The following SH3GL2 variants were observed in gnomAD, a reference collection of about 807,000 sequenced individuals.
SH3GL2 encodes the protein SH3 domain containing GRB2 like 2, endophilin A1, also known as endophilin-A1.
A neutral mutation model predicts 46.0 loss-of-function variants in SH3GL2; 24 were observed. That is an observed-to-expected ratio of 0.52 (90% CI 0.38 to 0.73). SH3GL2 has a LOEUF of 0.73. Ranked by LOEUF, SH3GL2 falls within the 30% of genes least tolerant of loss-of-function variation. The probability of loss-of-function intolerance (pLI) is 0.00; values close to 1 mark genes in which losing one functional copy is unlikely to be tolerated. For missense variants in SH3GL2, 413 were observed against 424.2 expected, an observed-to-expected ratio of 0.97 and a Z score of 0.23; for synonymous variants, 196 against 147.1, an observed-to-expected ratio of 1.33 and a Z score of -2.40.
chr9:17,691,147 C>G (rs1225447133), intron 1 of SH3GL2, among the ~76,000 whole-genome samples: 1 of 152,032 alleles, frequency 6.6e-6, no homozygotes, highest in Non-Finnish European at 1.5e-5. Flanking sequence ...GATTTTCTGC[C>G]ATTTAGTTTT....
chr9:17,593,984 C>G (rs1404700643), intron 1 of SH3GL2, among the ~76,000 whole-genome samples: 1 of 152,146 alleles, frequency 6.6e-6, no homozygotes, highest in Non-Finnish European at 1.5e-5. Context: ...GTAATATGGT[C>G]CTGGGCATGA....
At chr9:17,685,490 C>A (rs1291395627) in intron 1 of SH3GL2, among the ~76,000 whole-genome samples, 1 of 151,976 alleles carries the variant, frequency 6.6e-6, no homozygotes, top group Non-Finnish European at 1.5e-5. Flanking sequence ...TATTGCCTAG[C>A]CAGGTTGACA....
At chr9:17,648,808 A>G (rs1430730542) in intron 1 of SH3GL2, among the ~76,000 whole-genome samples, 1 of 152,210 alleles carries the variant, frequency 6.6e-6, no homozygotes, top group Non-Finnish European at 1.5e-5. Context: ...TCAGGTTGAA[A>G]ATGATGAAAA....
chr9:17,712,739 A>C (rs572192935), intron 1 of SH3GL2, among the ~76,000 whole-genome samples: 1 of 151,734 alleles, frequency 6.6e-6, no homozygotes, highest in African/African-American at 2.4e-5. Flanking sequence ...CATTCATCTA[A>C]GTTGTTTTGT....
intron 1 of SH3GL2, among the ~76,000 whole-genome samples, chr9:17,686,065 G>C (rs1382545608): frequency 1.6e-4 from 22 of 140,158 alleles, no homozygotes; most frequent in East Asian, 2.0e-4. Flanking sequence ...CTAATATCCA[G>C]AATCTACAAT....
At chr9:17,600,804 G>A (rs1190918505) in intron 1 of SH3GL2, among the ~76,000 whole-genome samples, 3 of 152,194 alleles carry the variant, frequency 2.0e-5, no homozygotes, top group East Asian at 3.9e-4. Flanking sequence ...TTTACTCATT[G>A]TCTGAGGTGA....
intron 1 of SH3GL2, among the ~76,000 whole-genome samples, chr9:17,643,569 T>C (rs544284307): frequency 7.9e-5 from 12 of 151,898 alleles, no homozygotes; most frequent in African/African-American, 2.9e-4. Flanking sequence ...CCTTATGGAG[T>C]GTTTTAGTCA....
intron 1 of SH3GL2, among the ~76,000 whole-genome samples, chr9:17,594,478 C>T (rs575212195): frequency 1.1e-4 from 15 of 142,510 alleles, no homozygotes; most frequent in African/African-American, 4.0e-4. Flanking sequence ...CAACACACAC[C>T]AGGGTCTATG....
intron 3 of SH3GL2, among the ~76,000 whole-genome samples, chr9:17,784,393 A>T (rs1823897995): frequency 6.6e-6 from 1 of 152,174 alleles, no homozygotes; most frequent in Non-Finnish European, 1.5e-5. Flanking sequence ...TAAATGTAAA[A>T]TGGCCTGAAT....
chr9:17,634,943 T>G (rs1450596665), intron 1 of SH3GL2, among the ~76,000 whole-genome samples: 2 of 152,214 alleles, frequency 1.3e-5, no homozygotes, highest in African/African-American at 2.4e-5. Flanking sequence ...TGCCAGTACT[T>G]GTGATGCAAG....
chr9:17,761,091 C>G (rs112345943), intron 2 of SH3GL2, among the ~76,000 whole-genome samples: 1 of 152,190 alleles, frequency 6.6e-6, no homozygotes, highest in African/African-American at 2.4e-5. Context: ...GCAAAATCTG[C>G]CTCCATGCCT....
intron 1 of SH3GL2, among the ~76,000 whole-genome samples, chr9:17,596,997 A>C (rs1426677259): frequency 6.6e-6 from 1 of 152,166 alleles, no homozygotes; most frequent in Non-Finnish European, 1.5e-5. Context: ...TCTGAGATAA[A>C]TAATTTCTGT....
chr9:17,704,769 T>G (rs768846384), intron 1 of SH3GL2, among the ~76,000 whole-genome samples: 1 of 151,950 alleles, frequency 6.6e-6, no homozygotes, highest in Non-Finnish European at 1.5e-5. Context: ...CCTTACATCA[T>G]CTAAAAAATT....
intron 1 of SH3GL2, among the ~76,000 whole-genome samples, chr9:17,658,165 G>T (rs909422911): frequency 6.6e-6 from 1 of 152,172 alleles, no homozygotes; most frequent in African/African-American, 2.4e-5. Flanking sequence ...TTAATGAACA[G>T]TGATTAAGAT....
chr9:17,701,608 T>G (rs1041921839), intron 1 of SH3GL2, among the ~76,000 whole-genome samples: 24 of 152,184 alleles, frequency 1.6e-4, no homozygotes, highest in African/African-American at 5.5e-4. Flanking sequence ...ATAAGCATGT[T>G]CATTTTAACA....
At chr9:17,672,060 AT>A (rs1820488839) in intron 1 of SH3GL2, among the ~76,000 whole-genome samples, 1 of 152,190 alleles carries the variant, frequency 6.6e-6, no homozygotes, top group South Asian at 2.1e-4. Flanking sequence ...ATGAAACTAA[AT>A]TGGAAACCGA....
At chr9:17,703,450 G>C (rs976530911) in intron 1 of SH3GL2, among the ~76,000 whole-genome samples, 8 of 151,896 alleles carry the variant, frequency 5.3e-5, no homozygotes, top group Non-Finnish European at 1.0e-4. Flanking sequence ...CTCATTCTGT[G>C]AGGTCAGCAT....
At chr9:17,588,358 T>C (rs1818418814) in intron 1 of SH3GL2, among the ~76,000 whole-genome samples, 1 of 152,218 alleles carries the variant, frequency 6.6e-6, no homozygotes, top group Non-Finnish European at 1.5e-5. Flanking sequence ...GAAAAGATGT[T>C]ATTCCTGAGA....
intron 1 of SH3GL2, among the ~76,000 whole-genome samples, chr9:17,601,348 TTAGAAG>T (rs1350871830): frequency 3.9e-5 from 6 of 152,170 alleles, no homozygotes; most frequent in African/African-American, 1.4e-4. Context: ...ATTTTTAGAC[TTAGAAG>T]CAGCTTGCTG....
Sources: gnomAD v4.1 joint callset for allele counts (sites outside exome capture counted in the v4.1 genomes callset) on GRCh38, gnomAD v4.1.1 for gene constraint, MANE v1.5 for transcripts, NCBI Gene and HGNC (gene_info 2026-07-23, HGNC 2026-07-21) for gene names.